Variants in PIWIL3 observed in about 807,000 individuals in gnomAD.
PIWIL3 encodes piwi-like protein 3.
In PIWIL3, 101 loss-of-function variants were observed where a neutral mutation model predicts 109.7. The ratio of observed to expected loss-of-function variants is 0.92; its 90% CI spans 0.78 to 1.09. The LOEUF (loss-of-function observed/expected upper bound fraction) is 1.09. PIWIL3 is among the 50% of genes least tolerant of loss of function. The probability of loss-of-function intolerance (pLI) is 0.00; values close to 1 mark genes in which losing one functional copy is unlikely to be tolerated. For missense variants in PIWIL3, 1,031 were observed against 1,072.6 expected (o/e 0.96, Z 0.54); for synonymous variants, 373 against 376.4 (o/e 0.99, Z 0.10).
Position 24,725,449 on chromosome 22 carries a change from C to T in PIWIL3, c.2076G>A (p.Leu692=), listed in dbSNP as rs766963059. The T allele has an allele frequency of 1.2e-5, 20 of 1,613,712 alleles. No homozygotes were observed. The Admixed American group carries it at 3.3e-4, about 27-fold the overall frequency. ...CGACCGCTACAAGACACTGACCTTT[C>T]AAGCAGATCTCCAGCTCTTTCACAA... ...EELVKELEIC[L]KAALDVWCKN... is the part of the protein sequence containing the mutation. Residue 692 remains leucine, a synonymous_variant, in exon 17 of 21, where the codon TTG becomes TTA. Coordinates refer to ENST00000616349, the MANE Select transcript of PIWIL3 (RefSeq NM_001255975.1).
chr22:24,725,259 G>C (rs1922921254), intron 17 of PIWIL3, among the ~76,000 whole-genome samples, 186 bp downstream of exon 17: 1 of 152,204 alleles, frequency 6.6e-6, no homozygotes, highest in Non-Finnish European at 1.5e-5. Context: ...CCTATGCATG[G>C]TAGGATGTTT....
chr22:24,762,316 C>T (rs992479998), intron 2 of PIWIL3, 82 bp downstream of exon 2: 1 of 1,523,962 alleles, frequency 6.6e-7, no homozygotes, highest in Non-Finnish European at 8.8e-7. Flanking sequence ...CCTGAACTAG[C>T]TTCGCTCAAC....
At chr22:24,724,595 C>T (rs1349058581) in intron 18 of PIWIL3, among the ~76,000 whole-genome samples, 4 of 151,850 alleles carry the variant, frequency 2.6e-5, no homozygotes, top group Non-Finnish European at 4.4e-5. Flanking sequence ...CCACCACGCC[C>T]GGCTAATTTT....
In PIWIL3 at chr22:24,748,953, G is replaced by A. The variant is rs376600879; in HGVS notation, c.1403C>T (p.Pro468Leu). ...LKFDTNFLSVPGRVLKNANIV... is the reference protein window; with the variant it reads ...LKFDTNFLSVLGRVLKNANIV... ...GTTTGCGTTTTTCAAAACTCTTCCCGGGACGGACAAAAAATTGGTATCAAA... is the reference window on the plus strand; with the variant it reads ...GTTTGCGTTTTTCAAAACTCTTCCCAGGACGGACAAAAAATTGGTATCAAA... The change falls in exon 12 of 21, where the codon CCG becomes CTG. Residue 468 changes from proline to leucine, a missense_variant. Transcript: ENST00000616349. The A allele has an allele frequency of 2.9e-5, 46 of 1,613,152 alleles. No individual in the cohort carries two copies. Among genetic ancestry groups the A allele is most frequent in the African/African-American group, 5.3e-5 (4 of 74,804 alleles).
Position 24,719,322 on chromosome 22 carries a change from C to CA in PIWIL3, c.*149dup. 1 of 578,884 alleles carries CA rather than the reference C, an allele frequency of 1.7e-6. No individual in the cohort carries two copies. Among genetic ancestry groups the CA allele is most frequent in the Non-Finnish European group, 3.0e-6 (1 of 333,692 alleles). The allele number at this position is 578,884 out of a possible 1,614,324, so 35.9% of individuals were successfully genotyped here. On this transcript the variant is annotated 3_prime_UTR_variant, in exon 21 of 21. Transcript: ENST00000616349. ...GTCTGTGGTAGTATTGAGAGTAGAACATATCACTCTGAATCTCTCCTGTGT... is the reference window on the plus strand; with the variant it reads ...GTCTGTGGTAGTATTGAGAGTAGAACAATATCACTCTGAATCTCTCCTGTGT...
In PIWIL3 at chr22:24,762,329, C is replaced by T. The variant is rs1192898196; in HGVS notation, c.102+69G>A. 2.0e-6 allele frequency: 3 copies of T among 1,536,932 alleles called. No individual in the cohort carries two copies. The African/African-American group carries it at 4.2e-5, about 21-fold the overall frequency. ...TACCTGAACTAGCTTCGCTCAACAA[C>T]CAACTCTATGTTCTTTTCAGTACAG... On this transcript the variant is annotated intron_variant, in intron 2 of 20. Coordinates refer to ENST00000616349, the MANE Select transcript of PIWIL3 (RefSeq NM_001255975.1).
chr22:24,772,490 A>T (rs191591063), intron 1 of PIWIL3, among the ~76,000 whole-genome samples: 32 of 152,222 alleles, frequency 2.1e-4, no homozygotes, highest in African/African-American at 7.2e-4. Flanking sequence ...GGTATTGAAA[A>T]CTTATGTCAC....
At chr22:24,739,019 T>C (rs1430007885) in intron 12 of PIWIL3, among the ~76,000 whole-genome samples, 1 of 150,974 alleles carries the variant, frequency 6.6e-6, no homozygotes. Context: ...TACAAAGAGG[T>C]TGAAATAATT....
intron 13 of PIWIL3, 29 bp downstream of exon 13, chr22:24,735,679 T>C: frequency 6.5e-7 from 1 of 1,547,730 alleles, no homozygotes; most frequent in Non-Finnish European, 8.7e-7. Flanking sequence ...AACAATCGAT[T>C]TTCAAATGGG....
intron 12 of PIWIL3, among the ~76,000 whole-genome samples, chr22:24,740,033 C>T (rs796312581): frequency 2.2e-4 from 22 of 99,846 alleles, no homozygotes; most frequent in African/African-American, 8.5e-4. Context: ...GCCTGGGGGA[C>T]AAAGTGAGAC....
intron 3 of PIWIL3, among the ~76,000 whole-genome samples, chr22:24,758,716 T>C (rs1925239463): frequency 6.6e-6 from 1 of 152,226 alleles, no homozygotes; most frequent in Non-Finnish European, 1.5e-5. Context: ...ATGATGATCT[T>C]ACAAAGTAAG....
At position 24,733,077 on chromosome 22, in the gene PIWIL3, T is replaced by C. The variant is rs1001367021; in HGVS notation, c.1707+1007A>G. Reference sequence around the variant, plus strand: ...CCAACAGGATTTCAAAATGCAGACATTACATTTCAGAATGCGTACGGCTCA... The same window carrying C: ...CCAACAGGATTTCAAAATGCAGACACTACATTTCAGAATGCGTACGGCTCA... On this transcript the variant is annotated intron_variant, in intron 14 of 20. Coordinates refer to ENST00000616349, the MANE Select transcript of PIWIL3 (RefSeq NM_001255975.1). 5.9e-5 allele frequency among the ~76,000 whole-genome samples: 9 copies of C among 152,136 alleles called. 1 individual carries two copies. The highest frequency in any genetic ancestry group is 3.3e-4 in the Admixed American group (5 of 15,276).
chr22:24,725,525 GA>G lies in PIWIL3; in HGVS notation c.2010-11del. On this transcript the variant is annotated splice_polypyrimidine_tract_variant and intron_variant, in intron 16 of 20. Transcript: ENST00000616349. Reference sequence around the variant, plus strand: ...ACATTGAGAGTACCACCTGTTCACAGAAAAACCACCAGTTTGGAAAACAAGA... The same window carrying G: ...ACATTGAGAGTACCACCTGTTCACAGAAAACCACCAGTTTGGAAAACAAGA... The G allele has an allele frequency of 6.2e-7, 1 of 1,613,664 alleles. No individual in the cohort carries two copies. The highest frequency in any genetic ancestry group is 1.1e-5 in the South Asian group (1 of 91,006).
intron 3 of PIWIL3, among the ~76,000 whole-genome samples, chr22:24,758,985 C>T (rs1196783073): frequency 6.6e-6 from 1 of 152,244 alleles, no homozygotes; most frequent in Non-Finnish European, 1.5e-5. Context: ...CCTCTGCCTC[C>T]TGGGTTCAAG....
chr22:24,749,228 C>T (rs1924556821), intron 11 of PIWIL3, among the ~76,000 whole-genome samples, 176 bp downstream of exon 11: 2 of 151,950 alleles, frequency 1.3e-5, no homozygotes, highest in Admixed American at 1.3e-4. Context: ...TCATTCTTCC[C>T]CCCCGGCCTC....
At chr22:24,760,401 G>T (rs1392728564) in intron 2 of PIWIL3, among the ~76,000 whole-genome samples, 1 of 152,186 alleles carries the variant, frequency 6.6e-6, no homozygotes, top group Non-Finnish European at 1.5e-5. Context: ...GAATGAGGCA[G>T]CCAGTGTGGC....
At chr22:24,730,514 G>T (rs989254625) in intron 14 of PIWIL3, among the ~76,000 whole-genome samples, 3 of 152,080 alleles carry the variant, frequency 2.0e-5, no homozygotes. Context: ...ACACACAGTA[G>T]CTGCCATGAA....
chr22:24,768,381 A>G (rs916044475), intron 1 of PIWIL3, among the ~76,000 whole-genome samples: 3 of 151,500 alleles, frequency 2.0e-5, no homozygotes, highest in African/African-American at 7.3e-5. Context: ...CAGCCTCCCA[A>G]GTAGCTGGGA....
intron 14 of PIWIL3, among the ~76,000 whole-genome samples, chr22:24,729,318 A>G (rs1027909678): frequency 1.3e-5 from 2 of 152,152 alleles, no homozygotes; most frequent in Non-Finnish European, 2.9e-5. Flanking sequence ...TTTCTTGGCC[A>G]TGAAACAGAG....
Sources: gnomAD v4.1 joint callset for allele counts (sites outside exome capture counted in the v4.1 genomes callset) on GRCh38, gnomAD v4.1.1 for gene constraint, MANE v1.5 for transcripts, NCBI Gene and HGNC (gene_info 2026-07-23, HGNC 2026-07-21) for gene names.